Variants in CCDC47 observed in about 807,000 individuals in gnomAD.
The protein encoded by CCDC47 is PAT complex subunit CCDC47.
In CCDC47, 41 loss-of-function variants were observed where a neutral mutation model predicts 60.5. The observed-to-expected ratio is 0.68, with a 90% confidence interval of 0.53 to 0.88. The LOEUF is 0.88. CCDC47 is among the 40% of genes least tolerant of loss of function. CCDC47 has a pLI of 0.00. For synonymous variants in CCDC47, 195 were observed against 190.7 expected (o/e 1.02, Z -0.18); for missense variants, 513 against 580.9 (o/e 0.88, Z 1.20).
intron 6 of CCDC47, among the ~76,000 whole-genome samples, chr17:63,758,295 C>T (rs1334309203): frequency 4.6e-5 from 7 of 152,128 alleles, no homozygotes; most frequent in Non-Finnish European, 7.4e-5. Flanking sequence ...CTGGGACATT[C>T]GACTGCATCT....
chr17:63,772,469 G>A (rs1275830137), intron 1 of CCDC47, among the ~76,000 whole-genome samples: 1 of 151,994 alleles, frequency 6.6e-6, no homozygotes, highest in Non-Finnish European at 1.5e-5. Flanking sequence ...TAGCCAGGAT[G>A]GTCTCGATCT....
intron 6 of CCDC47, among the ~76,000 whole-genome samples, chr17:63,757,071 AAAG>A (rs1243686385): frequency 1.3e-5 from 2 of 151,924 alleles, no homozygotes; most frequent in Admixed American, 1.3e-4. Context: ...TCTAAAAAAG[AAAG>A]AAAAGGCCAG....
At chr17:63,769,849 G>A (rs555777785) in intron 1 of CCDC47, among the ~76,000 whole-genome samples, 3 of 152,220 alleles carry the variant, frequency 2.0e-5, no homozygotes, top group African/African-American at 4.8e-5. Context: ...GGTCACATGC[G>A]GCCTGCAGGC....
At chr17:63,769,606 T>A (rs1464764919) in intron 1 of CCDC47, among the ~76,000 whole-genome samples, 3 of 100,582 alleles carry the variant, frequency 3.0e-5, no homozygotes, top group African/African-American at 4.1e-5. Flanking sequence ...AGAGTGAAAC[T>A]CCATCTCAAA....
chr17:63,763,717 G>A (rs1249031507), intron 4 of CCDC47, among the ~76,000 whole-genome samples: 1 of 148,170 alleles, frequency 6.7e-6, no homozygotes, highest in Non-Finnish European at 1.5e-5. Flanking sequence ...CCAGCTACTT[G>A]GGAGGCTGAG....
intron 6 of CCDC47, among the ~76,000 whole-genome samples, chr17:63,758,517 A>AG (rs2039224878): frequency 6.6e-6 from 1 of 152,018 alleles, no homozygotes; most frequent in South Asian, 2.1e-4. Flanking sequence ...CTAGAAAAAA[A>AG]AAAAATTTAA....
chr17:63,768,916 T>C (rs903543830), intron 1 of CCDC47, among the ~76,000 whole-genome samples: 3 of 151,820 alleles, frequency 2.0e-5, no homozygotes, highest in African/African-American at 7.3e-5. Flanking sequence ...AAATCCTGTC[T>C]CTACTAAAAA....
chr17:63,768,774 T>A (rs2039314706), intron 1 of CCDC47, among the ~76,000 whole-genome samples: 1 of 150,364 alleles, frequency 6.7e-6, no homozygotes, highest in Admixed American at 6.6e-5. Context: ...CAGTGAGACT[T>A]CCCCTCTACA....
Position 63,752,800 on chromosome 17 carries a change from C to A in CCDC47, c.1035-1G>T. ...AGGTAGCTTTAAAGGCTGACCTTCC[C>A]TGTCATAAAAGAAAAGGCAATTAAG... On this transcript the variant is annotated splice_acceptor_variant, in intron 9 of 12. Transcript: ENST00000225726. LOFTEE classifies it high-confidence loss of function. 6.2e-7 allele frequency: 1 copy of A among 1,610,654 alleles called. No homozygotes were observed. The highest frequency in any genetic ancestry group is 1.1e-5 in the South Asian group (1 of 90,562).
chr17:63,760,867 CAAAT>C (rs2039253675), intron 6 of CCDC47, 43 bp downstream of exon 6: 1 of 1,165,282 alleles, frequency 8.6e-7, no homozygotes, highest in African/African-American at 1.6e-5. Flanking sequence ...AGAAAGAAAA[CAAAT>C]AATTCAGTCT....
chr17:63,760,237 A>AT (rs11381243), intron 6 of CCDC47, among the ~76,000 whole-genome samples: 5,186 of 152,234 alleles, frequency 0.034, 313 homozygotes, highest in African/African-American at 0.12. Flanking sequence ...GAAGCAAAAC[A>AT]TATTTGAGAA....
chr17:63,760,958 G>A lies in CCDC47; in HGVS notation c.691C>T (p.Leu231=), dbSNP rs779907995. The A allele has an allele frequency of 6.2e-7, 1 of 1,613,600 alleles. No homozygotes were observed. Among genetic ancestry groups the A allele is most frequent in the Non-Finnish European group, 8.5e-7 (1 of 1,179,736 alleles). The change falls in exon 6 of 13, where the codon CTG becomes TTG. Residue 231 remains leucine, a synonymous_variant. Coordinates refer to ENST00000225726, the MANE Select transcript of CCDC47 (RefSeq NM_020198.3). The part of the protein sequence containing the change: ...QLRFLKRQDL[L]NVLARMMRPV... ...CTCATCATCCGGGCCAGGACATTCA[G>A]TAAGTCTTGTCTCTTGAGGAACTGA... is the stretch of plus-strand genomic sequence containing the variant.
intron 6 of CCDC47, among the ~76,000 whole-genome samples, chr17:63,757,733 T>C (rs1298420328): frequency 6.6e-6 from 1 of 152,232 alleles, no homozygotes; most frequent in Admixed American, 6.5e-5. Context: ...GAAATATATT[T>C]GGTTTTTATC....
intron 1 of CCDC47, among the ~76,000 whole-genome samples, chr17:63,771,405 A>G (rs1281972937): frequency 1.3e-5 from 2 of 152,138 alleles, no homozygotes; most frequent in Non-Finnish European, 2.9e-5. Context: ...GGGTCCTGGA[A>G]CCAATCCCCC....
At chr17:63,751,892 G>A (rs770118062) in intron 12 of CCDC47, 48 bp downstream of exon 12, 29 of 1,598,216 alleles carry the variant, frequency 1.8e-5, no homozygotes, top group African/African-American at 4.0e-5. Context: ...AACACAAGCA[G>A]TCATCCTTAC....
intron 6 of CCDC47, among the ~76,000 whole-genome samples, chr17:63,758,603 G>C (rs2144484099): frequency 6.6e-6 from 1 of 152,052 alleles, no homozygotes; most frequent in East Asian, 1.9e-4. Flanking sequence ...CAGAGAATCT[G>C]AGAATTGGCT....
At chr17:63,769,961 C>CTTTT (rs397857898) in intron 1 of CCDC47, among the ~76,000 whole-genome samples, 1 of 128,444 alleles carries the variant, frequency 7.8e-6, no homozygotes, top group Non-Finnish European at 1.6e-5. Context: ...ATTTTTCTTT[C>CTTTT]TTTTTTTTTT....
Position 63,751,967 on chromosome 17 carries a change from T to G in CCDC47, c.1344A>C (p.Glu448Asp). ...CCAGCCTGCGCTGTTTCTCAGGATC[T>G]TCCTCATTCATGATTCGCTCCTTCT... ...RAEKERIMNE[E>D]DPEKQRRLEE... is the part of the protein sequence containing the mutation. The change falls in exon 12 of 13, where the codon GAA (glutamate) becomes GAC (aspartate). Residue 448 changes from glutamate to aspartate, a missense_variant. Glu to Asp is a conservative substitution (Grantham distance 45). Transcript: ENST00000225726. The G allele has an allele frequency of 6.2e-7, 1 of 1,613,818 alleles. No homozygotes were observed. The highest frequency in any genetic ancestry group is 1.1e-5 in the South Asian group (1 of 91,080).
At position 63,766,207 on chromosome 17, in the gene CCDC47, G is replaced by A. The variant is rs766539306; in HGVS notation, c.-19-13C>T. The A allele has an allele frequency of 1.9e-6, 3 of 1,580,334 alleles. No individual in the cohort carries two copies. The East Asian group carries it at 6.7e-5, about 35-fold the overall frequency. On this transcript the variant is annotated splice_polypyrimidine_tract_variant and intron_variant, in intron 1 of 12. Transcript: ENST00000225726. The stretch of plus-strand genomic sequence containing the variant: ...TTGAGAAAAAAAGCTTAAAAAAAAA[G>A]AGAACCCCAAAATGGATTGCCATTC...
Sources: allele counts gnomAD v4.1 joint callset (sites outside exome capture counted in the v4.1 genomes callset), GRCh38; gene constraint gnomAD v4.1.1; transcripts MANE v1.5; gene names NCBI Gene and HGNC (gene_info 2026-07-23, HGNC 2026-07-21).